The following MAIP1 variants were observed in gnomAD, a reference collection of about 807,000 sequenced individuals.
MAIP1 encodes the protein matrix AAA peptidase interacting protein 1, also known as m-AAA protease-interacting protein 1, mitochondrial.
MAIP1 carries 28 observed loss-of-function variants against 31.2 expected under a neutral mutation model. That is an observed-to-expected ratio of 0.90 (90% CI 0.67 to 1.23). MAIP1 has a LOEUF of 1.23. Among genes scored for constraint, MAIP1 ranks in the 50% most tolerant of loss-of-function variants. The pLI is 0.00. For missense variants in MAIP1, 339 were observed against 356.0 expected, an observed-to-expected ratio of 0.95 and a Z score of 0.38; for synonymous variants, 142 against 142.3, an observed-to-expected ratio of 1.00 and a Z score of 0.02.
intron 1 of MAIP1, 93 bp downstream of exon 1, chr2:199,956,341 A>C: frequency 1.0e-6 from 1 of 992,266 alleles, no homozygotes; most frequent in Non-Finnish European, 1.5e-6. Context: ...TCACTGGGAT[A>C]CAAGTGATCA....
rs556713791 is a variant in MAIP1 at position 199,956,503 on chromosome 2, G to A, written c.450+255G>A. Among the ~76,000 whole-genome samples, 6 of 152,322 alleles carry A rather than the reference G, an allele frequency of 3.9e-5. No individual in the cohort carries two copies. The South Asian group carries it at 1.2e-3, about 32-fold the overall frequency. The stretch of plus-strand genomic sequence containing the variant: ...TTGAACCCAGGAGTTGGACGTTGTA[G>A]TGAGCTGTGATCGTGCCATTGCACT... On this transcript the variant is annotated intron_variant, in intron 1 of 4. Transcript: ENST00000392290.
At chr2:199,958,208 T>C (rs535284498) in intron 1 of MAIP1, among the ~76,000 whole-genome samples, 1 of 152,328 alleles carries the variant, frequency 6.6e-6, no homozygotes, top group Admixed American at 6.5e-5. Context: ...TGTCCTTGCA[T>C]GGTCCTCCCT....
chr2:199,955,706 C>G lies in MAIP1; in HGVS notation c.-93C>G. 1 of 1,307,422 alleles carries G rather than the reference C, an allele frequency of 7.6e-7. No homozygotes were observed. Among genetic ancestry groups the G allele is most frequent in the Non-Finnish European group, 1.0e-6 (1 of 960,838 alleles). 81.0% of individuals were successfully genotyped at this position (1,307,422 alleles called of 1,614,324 possible). ...GCTGCAGCAACAGGTCCACTTTGCT[C>G]TCCAGTCTCTTTCTCCGACACCGCT... On this transcript the variant is annotated 5_prime_UTR_variant, in exon 1 of 5. Transcript: ENST00000392290.
In MAIP1 at chr2:199,956,058, C is replaced by T; in HGVS notation, c.260C>T (p.Ser87Phe). Residue 87 changes from serine (S) to phenylalanine (F), a missense_variant, in exon 1 of 5, where the codon TCT becomes TTT. Physicochemically the swap from Ser to Phe is radical, Grantham distance 155. Transcript: ENST00000392290. Reference protein sequence around the residue: ...SSPGLPAAFASFPACPQRSYS... With the variant: ...SSPGLPAAFAFFPACPQRSYS... ...CCGGGACTCCCCGCAGCCTTCGCTT[C>T]TTTCCCTGCCTGCCCTCAGCGCAGC... is the stretch of plus-strand genomic sequence containing the variant. The T allele has an allele frequency of 6.2e-7, 1 of 1,612,712 alleles. No homozygotes were observed. The highest frequency in any genetic ancestry group is 8.5e-7 in the Non-Finnish European group (1 of 1,179,246).
intron 4 of MAIP1, among the ~76,000 whole-genome samples, chr2:199,962,373 A>G (rs775335614): frequency 2.3e-4 from 35 of 152,148 alleles, no homozygotes; most frequent in Non-Finnish European, 3.8e-4. Context: ...ATGACTCTGT[A>G]TTCTCCAGGG....
upstream of MAIP1, chr2:199,955,472 G>C: frequency 6.2e-7 from 1 of 1,613,640 alleles, no homozygotes; most frequent in Non-Finnish European, 8.5e-7. Context: ...CCCGGCCATG[G>C]TTGCTCACGC....
At chr2:199,960,151 G>A (rs940702735) in intron 3 of MAIP1, among the ~76,000 whole-genome samples, 1 of 152,122 alleles carries the variant, frequency 6.6e-6, no homozygotes, top group Non-Finnish European at 1.5e-5. Flanking sequence ...AGTTTGAGTG[G>A]CTCCCACGTC....
rs759085278 is a variant in MAIP1 at position 199,961,824 on chromosome 2, C to A, written c.693C>A (p.Thr231=). The change falls in exon 4 of 5, where the codon ACC becomes ACA. Residue 231 remains threonine, a synonymous_variant. Coordinates refer to ENST00000392290, the MANE Select transcript of MAIP1 (RefSeq NM_001394955.1). ...TCCTGATGTGCTTTTGGTATCTAAC[C>A]AGTGCCAACATCCCCAGTGAAACTT... The part of the protein sequence containing the change: ...VNILMCFWYL[T]SANIPSETLR... The A allele has an allele frequency of 1.2e-6, 2 of 1,613,794 alleles. No homozygotes were observed. The highest frequency in any genetic ancestry group is 2.2e-5 in the South Asian group (2 of 91,042).
In MAIP1 at chr2:199,958,984, A is replaced by G. The variant is rs2077622270; in HGVS notation, c.451-284A>G. On this transcript the variant is annotated intron_variant, in intron 1 of 4. Coordinates refer to ENST00000392290, the MANE Select transcript of MAIP1 (RefSeq NM_001394955.1). ...ACTTCATCATTTTAAAAAGAAATAT[A>G]AAGGAGGATTTTTATTGAGACATCT... Among the ~76,000 whole-genome samples the G allele has an allele frequency of 2.0e-5, 3 of 152,194 alleles. No individual in the cohort carries two copies. The South Asian group carries it at 6.2e-4, about 32-fold the overall frequency.
chr2:199,961,785 G>T lies in MAIP1; in HGVS notation c.654G>T (p.Arg218Ser), dbSNP rs1425796260. Residue 218 changes from arginine to serine, a missense_variant, in exon 4 of 5, where the codon AGG (arginine) becomes AGT (serine). Physicochemically the swap from Arg to Ser is moderately radical, Grantham distance 110. Coordinates refer to ENST00000392290, the MANE Select transcript of MAIP1 (RefSeq NM_001394955.1). ...TGTATATGTTTTTTCTCTAAGGAAGGAAGTTTGTTAACATCCTGATGTGCT... is the reference window on the plus strand; with the variant it reads ...TGTATATGTTTTTTCTCTAAGGAAGTAAGTTTGTTAACATCCTGATGTGCT... ...DISIYYDEKG[R>S]KFVNILMCFW... The T allele has an allele frequency of 1.2e-6, 2 of 1,610,376 alleles. No homozygotes were observed. Among genetic ancestry groups the T allele is most frequent in the Non-Finnish European group, 8.5e-7 (1 of 1,178,624 alleles).
intron 3 of MAIP1, among the ~76,000 whole-genome samples, chr2:199,961,009 G>A (rs1293470560): frequency 6.6e-6 from 1 of 152,186 alleles, no homozygotes; most frequent in Non-Finnish European, 1.5e-5. Flanking sequence ...TCAGGAGTTT[G>A]TCAGAATCAC....
chr2:199,963,031 T>C (rs994493306), intron 4 of MAIP1, among the ~76,000 whole-genome samples: 2 of 151,000 alleles, frequency 1.3e-5, no homozygotes, highest in African/African-American at 2.4e-5. Flanking sequence ...ATATCCTCAT[T>C]TTTTTTTTGC....
upstream of MAIP1, chr2:199,955,417 C>G (rs757736149): frequency 3.1e-6 from 5 of 1,613,808 alleles, no homozygotes; most frequent in Non-Finnish European, 4.2e-6. Context: ...GCTGCATGAA[C>G]TGCTCCCGAG....
chr2:199,956,522 T>C (rs937993836), intron 1 of MAIP1, among the ~76,000 whole-genome samples: 1 of 152,092 alleles, frequency 6.6e-6, no homozygotes, highest in Non-Finnish European at 1.5e-5. Context: ...GATCGTGCCA[T>C]TGCACTCCAG....
At chr2:199,962,949 T>C (rs2077644283) in intron 4 of MAIP1, among the ~76,000 whole-genome samples, 1 of 152,172 alleles carries the variant, frequency 6.6e-6, no homozygotes, top group South Asian at 2.1e-4. Flanking sequence ...ACAAATCTGC[T>C]TCAAAATAAC....
intron 4 of MAIP1, 51 bp from the exon 5 acceptor site, chr2:199,963,682 C>T: frequency 9.1e-7 from 1 of 1,097,394 alleles, no homozygotes; most frequent in Non-Finnish European, 1.4e-6. Flanking sequence ...AGTTATCTAA[C>T]ACATACTTGG....
upstream of MAIP1, chr2:199,955,491 T>G: frequency 6.2e-7 from 1 of 1,611,668 alleles, no homozygotes; most frequent in Non-Finnish European, 8.5e-7. Context: ...GCCTGCCCTC[T>G]TCCAGGTCTT....
chr2:199,955,873 G>A lies in MAIP1; in HGVS notation c.75G>A (p.Arg25=). 6.5e-7 allele frequency: 1 copy of A among 1,543,400 alleles called. No homozygotes were observed. Among genetic ancestry groups the A allele is most frequent in the Non-Finnish European group, 8.7e-7 (1 of 1,146,250 alleles). Residue 25 remains arginine (R), a synonymous_variant, in exon 1 of 5, where the codon CGG becomes CGA. Transcript: ENST00000392290. The part of the protein sequence containing the change: ...RSLPCGAVRL[R]TPAVAEVRLP... ...TGCCCTGCGGGGCCGTCCGACTCCGGACTCCTGCTGTGGCCGAGGTGAGGC... is the reference window on the plus strand; with the variant it reads ...TGCCCTGCGGGGCCGTCCGACTCCGAACTCCTGCTGTGGCCGAGGTGAGGC...
intron 1 of MAIP1, among the ~76,000 whole-genome samples, chr2:199,957,837 G>A (rs2077616412): frequency 6.6e-6 from 1 of 152,196 alleles, no homozygotes; most frequent in Non-Finnish European, 1.5e-5. Flanking sequence ...GCCCACTGAT[G>A]ATATATGAGC....
Sources: gnomAD v4.1 joint callset for allele counts (sites outside exome capture counted in the v4.1 genomes callset) on GRCh38, gnomAD v4.1.1 for gene constraint, MANE v1.5 for transcripts, NCBI Gene and HGNC (gene_info 2026-07-23, HGNC 2026-07-21) for gene names.